ROBO1: variants seen among roughly 807,000 people sequenced by gnomAD.
ROBO1 encodes roundabout homolog 1.
Under a neutral mutation model 195.9 loss-of-function variants are expected in ROBO1, and 149 were observed. The ratio of observed to expected loss-of-function variants is 0.76; its 90% CI spans 0.67 to 0.87. ROBO1 has a LOEUF of 0.87. Ranked by LOEUF, ROBO1 falls within the 40% of genes least tolerant of loss-of-function variation. The probability of loss-of-function intolerance (pLI) is 0.00; values close to 1 mark genes in which losing one functional copy is unlikely to be tolerated. For synonymous variants in ROBO1, 816 were observed against 733.2 expected, an observed-to-expected ratio of 1.11 and a Z score of -1.82; for missense variants, 1,933 against 2,068.3, an observed-to-expected ratio of 0.93 and a Z score of 1.27.
Position 79,728,985 on chromosome 3 carries a change from A to G in ROBO1, c.-51+38767T>C, listed in dbSNP as rs1344110565. ...AAATTCTAAAGTACATAAGAAATAT[A>G]TAATCAAATGTTGACCATATGGAAA... On this transcript the variant is annotated intron_variant, in intron 1 of 30. Transcript: ENST00000464233. Among the ~76,000 whole-genome samples, 7 of 152,214 alleles carry G rather than the reference A, an allele frequency of 4.6e-5. No individual in the cohort carries two copies. The East Asian group carries it at 1.3e-3, about 29-fold the overall frequency.
At chr3:78,739,853 A>G (rs1423681555) in intron 5 of ROBO1, among the ~76,000 whole-genome samples, 2 of 152,154 alleles carry the variant, frequency 1.3e-5, no homozygotes, top group African/African-American at 2.4e-5. Flanking sequence ...GTACTTCATA[A>G]TGGAAACTAA....
chr3:79,612,514 G>A (rs2107927722), intron 1 of ROBO1, among the ~76,000 whole-genome samples: 1 of 151,890 alleles, frequency 6.6e-6, no homozygotes, highest in Non-Finnish European at 1.5e-5. Flanking sequence ...CTTTATAGCA[G>A]CATGATTTAT....
At chr3:78,836,869 A>G (rs2032783506) in intron 4 of ROBO1, among the ~76,000 whole-genome samples, 3 of 152,174 alleles carry the variant, frequency 2.0e-5, no homozygotes, top group Non-Finnish European at 2.9e-5. Context: ...CATTTTTCAT[A>G]CTAAAAGAAA....
At position 78,960,811 on chromosome 3, in the gene ROBO1, C is replaced by G. The variant is rs1009642809; in HGVS notation, c.173-21884G>C. 2.6e-5 allele frequency among the ~76,000 whole-genome samples: 4 copies of G among 151,488 alleles called. No homozygotes were observed. In the South Asian group the frequency reaches 8.4e-4, roughly 32 times the overall value. The stretch of plus-strand genomic sequence containing the variant: ...ACACACACACACACACACACACACA[C>G]ACACACACACACACACACACACAAA... On this transcript the variant is annotated intron_variant, in intron 3 of 30. Transcript: ENST00000464233.
intron 2 of ROBO1, among the ~76,000 whole-genome samples, chr3:79,237,567 G>A (rs988879454): frequency 1.3e-5 from 2 of 152,050 alleles, no homozygotes; most frequent in Non-Finnish European, 2.9e-5. Context: ...ATACTCATGG[G>A]TAAAGAGATT....
intron 2 of ROBO1, among the ~76,000 whole-genome samples, chr3:79,226,894 C>T (rs190943630): frequency 1.1e-4 from 16 of 152,038 alleles, no homozygotes; most frequent in Non-Finnish European, 2.9e-5. Context: ...TGTCCTCCTC[C>T]TTGTCTTCCT....
intron 4 of ROBO1, among the ~76,000 whole-genome samples, chr3:78,882,735 C>T (rs2036257615): frequency 6.6e-6 from 1 of 151,760 alleles, no homozygotes; most frequent in South Asian, 2.1e-4. Flanking sequence ...AATTCGTTTA[C>T]TTATTTTTAC....
chr3:79,417,346 G>A (rs1347529432), intron 2 of ROBO1, among the ~76,000 whole-genome samples: 1 of 152,092 alleles, frequency 6.6e-6, no homozygotes, highest in East Asian at 1.9e-4. Flanking sequence ...AACCAGAAGG[G>A]AACTGATGTT....
chr3:78,958,757 A>G lies in ROBO1; in HGVS notation c.173-19830T>C, dbSNP rs745767579. ...TTTAACCAGGATCATCCCAGTTTTA[A>G]TAATTAAAGTTACCTCAATCAGTCC... is the stretch of plus-strand genomic sequence containing the variant. On this transcript the variant is annotated intron_variant, in intron 3 of 30. Transcript: ENST00000464233. Among the ~76,000 whole-genome samples, 49 of 152,028 alleles carry G rather than the reference A, an allele frequency of 3.2e-4. 1 individual carries two copies. The highest frequency in any genetic ancestry group is 6.8e-4 in the Non-Finnish European group (46 of 67,998).
intron 2 of ROBO1, among the ~76,000 whole-genome samples, chr3:79,144,380 C>T (rs1288923952): frequency 1.3e-5 from 2 of 152,012 alleles, no homozygotes; most frequent in East Asian, 1.9e-4. Flanking sequence ...TCTGAGAGCT[C>T]GTTCCTTTTC....
chr3:79,211,999 G>A (rs578111022), intron 2 of ROBO1, among the ~76,000 whole-genome samples: 2 of 152,230 alleles, frequency 1.3e-5, no homozygotes, highest in South Asian at 4.2e-4. Context: ...TATTCCTTAC[G>A]GGAAACAAAG....
intron 1 of ROBO1, among the ~76,000 whole-genome samples, chr3:79,608,347 C>T (rs777979291): frequency 6.6e-6 from 1 of 152,022 alleles, no homozygotes; most frequent in Admixed American, 6.6e-5. Flanking sequence ...ATTTAAATCA[C>T]ATCTCTCTTC....
intron 4 of ROBO1, among the ~76,000 whole-genome samples, chr3:78,921,599 A>G (rs1220225727): frequency 1.3e-5 from 2 of 152,240 alleles, no homozygotes; most frequent in Non-Finnish European, 2.9e-5. Context: ...GGAAAGTAAC[A>G]AGCATTTTTC....
At chr3:79,189,857 A>G (rs1393359431) in intron 2 of ROBO1, among the ~76,000 whole-genome samples, 2 of 151,762 alleles carry the variant, frequency 1.3e-5, no homozygotes, top group Admixed American at 1.3e-4. Context: ...GAGCAAATAC[A>G]TGATATAGAA....
chr3:78,598,622 T>C lies in ROBO1; in HGVS notation c.*291A>G. 1 of 281,532 alleles carries C rather than the reference T, an allele frequency of 3.6e-6. No individual in the cohort carries two copies. The highest frequency in any genetic ancestry group is 6.6e-6 in the Non-Finnish European group (1 of 151,714). The allele number at this position is 281,532 out of a possible 1,614,324, so 17.4% of individuals were successfully genotyped here. A position where few individuals can be genotyped will look rare whatever the true frequency, so the allele number is the denominator to read the frequency against. On this transcript the variant is annotated 3_prime_UTR_variant, in exon 31 of 31. Transcript: ENST00000464233. The stretch of plus-strand genomic sequence containing the variant: ...AAAGAACAGTTTTGTTCCCTCTTGC[T>C]GGCTGATGACTGAAGCAAGAAGTCA...
intron 2 of ROBO1, among the ~76,000 whole-genome samples, chr3:79,533,558 T>C (rs1189325039): frequency 6.6e-6 from 1 of 152,146 alleles, no homozygotes; most frequent in Non-Finnish European, 1.5e-5. Context: ...TTTTGTGGGC[T>C]CTAGAAAGAT....
intron 8 of ROBO1, among the ~76,000 whole-genome samples, chr3:78,696,667 CAT>C (rs1188437105): frequency 1.4e-5 from 2 of 145,836 alleles, no homozygotes; most frequent in Admixed American, 7.5e-5. Context: ...TATATATACA[CAT>C]ATATATACAT....
chr3:79,333,577 TC>T (rs889204395), intron 2 of ROBO1, among the ~76,000 whole-genome samples: 35 of 152,168 alleles, frequency 2.3e-4, no homozygotes, highest in African/African-American at 7.9e-4. Flanking sequence ...TCCCACCCAC[TC>T]CCCACTCCAA....
intron 2 of ROBO1, among the ~76,000 whole-genome samples, chr3:79,508,404 T>C (rs942058768): frequency 6.6e-6 from 1 of 152,200 alleles, no homozygotes. Context: ...CTCAAACTTC[T>C]AGCCTCGAAA....
Sources: allele counts gnomAD v4.1 joint callset (sites outside exome capture counted in the v4.1 genomes callset), GRCh38; gene constraint gnomAD v4.1.1; transcripts MANE v1.5; gene names NCBI Gene and HGNC (gene_info 2026-07-23, HGNC 2026-07-21).